Variants in PRTG observed in about 807,000 individuals in gnomAD.
PRTG encodes the protein protogenin, also known as immunoglobulin superfamily, DCC subclass, member 5.
PRTG carries 67 observed loss-of-function variants against 122.5 expected under a neutral mutation model. The observed-to-expected ratio is 0.55, with a 90% CI of 0.45 to 0.67. The LOEUF (loss-of-function observed/expected upper bound fraction) is 0.67. PRTG is among the 30% of genes least tolerant of loss of function. The pLI, the probability that PRTG is intolerant of heterozygous loss-of-function variation, is 0.00. For missense variants in PRTG, 1,435 were observed against 1,415.4 expected, an observed-to-expected ratio of 1.01 and a Z score of -0.22; for synonymous variants, 554 against 501.1, an observed-to-expected ratio of 1.11 and a Z score of -1.41.
Position 55,619,937 on chromosome 15 carries a change from C to T in PRTG, c.*75G>A. 2 of 1,581,266 alleles carry T rather than the reference C, an allele frequency of 1.3e-6. No individual in the cohort carries two copies. Among genetic ancestry groups the T allele is most frequent in the African/African-American group, 2.7e-5 (2 of 74,322 alleles). On this transcript the variant is annotated 3_prime_UTR_variant, in exon 20 of 20. Transcript: ENST00000389286. The stretch of plus-strand genomic sequence containing the variant: ...CAGAACTAAGGAGGAAGTCTGCTCA[C>T]TAACAGATGACACAGCAGGGTCTTC...
At chr15:55,647,627 G>A (rs915479306) in intron 11 of PRTG, among the ~76,000 whole-genome samples, 1 of 152,168 alleles carries the variant, frequency 6.6e-6, no homozygotes, top group African/African-American at 2.4e-5. Flanking sequence ...GTACTTTGTA[G>A]AGTTCCTATA....
intron 1 of PRTG, among the ~76,000 whole-genome samples, chr15:55,741,815 C>A (rs981974341): frequency 6.6e-6 from 1 of 152,230 alleles, no homozygotes; most frequent in African/African-American, 2.4e-5. Context: ...AACAGCCCAG[C>A]GCTGTGCGCG....
chr15:55,647,781 G>A (rs2059332196), intron 11 of PRTG, among the ~76,000 whole-genome samples: 2 of 152,150 alleles, frequency 1.3e-5, no homozygotes, highest in Admixed American at 6.5e-5. Flanking sequence ...ATCTCTGTTC[G>A]TTCATACAAA....
At position 55,679,607 on chromosome 15, in the gene PRTG, C is replaced by T. The variant is rs140518102; in HGVS notation, c.974-162G>A. On this transcript the variant is annotated intron_variant, in intron 6 of 19. Transcript: ENST00000389286. ...ATACATCTCTCCAGGTGCCTTTTCT[C>T]GGCATTGCTCAGTGTTCACTTCCTC... is the stretch of plus-strand genomic sequence containing the variant. 2,730 of 554,548 alleles carry T rather than the reference C, an allele frequency of 4.9e-3. 19 individuals are homozygous for T. Among genetic ancestry groups the T allele is most frequent in the Non-Finnish European group, 5.8e-3 (1,852 of 317,772 alleles). 34.4% of individuals were successfully genotyped at this position (554,548 alleles called of 1,614,324 possible).
At chr15:55,712,190 C>A (rs147887035) in intron 2 of PRTG, among the ~76,000 whole-genome samples, 44 of 152,336 alleles carry the variant, frequency 2.9e-4, no homozygotes, top group African/African-American at 1.0e-3. Context: ...TTTCTTCCTA[C>A]ACTGATAAGT....
intron 2 of PRTG, among the ~76,000 whole-genome samples, chr15:55,723,830 C>T (rs2030926374): frequency 6.8e-6 from 1 of 146,864 alleles, no homozygotes; most frequent in Non-Finnish European, 1.5e-5. Flanking sequence ...CAGCTCACTG[C>T]AACCTCCACC....
At chr15:55,672,210 A>G (rs1728053542) in intron 11 of PRTG, among the ~76,000 whole-genome samples, 1 of 152,226 alleles carries the variant, frequency 6.6e-6, no homozygotes, top group African/African-American at 2.4e-5. Context: ...AGATTCACAG[A>G]GCTGGACAAA....
chr15:55,690,035 A>G (rs538280011), intron 2 of PRTG, among the ~76,000 whole-genome samples: 183 of 152,332 alleles, frequency 1.2e-3, no homozygotes, highest in Non-Finnish European at 2.3e-3. Context: ...TTATATGAAA[A>G]CAATATCTCT....
At chr15:55,654,071 G>C (rs189484493) in intron 11 of PRTG, among the ~76,000 whole-genome samples, 1 of 152,132 alleles carries the variant, frequency 6.6e-6, no homozygotes, top group African/African-American at 2.4e-5. Flanking sequence ...AAACTAATAC[G>C]AAAGTGAGAT....
intron 12 of PRTG, among the ~76,000 whole-genome samples, chr15:55,640,824 A>C (rs1567079558): frequency 6.6e-6 from 1 of 151,708 alleles, no homozygotes; most frequent in African/African-American, 2.4e-5. Context: ...AGCCTGGCCA[A>C]CATGGTGAAA....
chr15:55,677,473 G>C (rs2059509133), intron 8 of PRTG, among the ~76,000 whole-genome samples: 1 of 152,090 alleles, frequency 6.6e-6, no homozygotes, highest in Non-Finnish European at 1.5e-5. Flanking sequence ...GGTATATTAA[G>C]TCTCAGTTAA....
At chr15:55,637,977 T>C (rs1198514758) in intron 14 of PRTG, among the ~76,000 whole-genome samples, 1 of 152,220 alleles carries the variant, frequency 6.6e-6, no homozygotes, top group African/African-American at 2.4e-5. Flanking sequence ...CTGTCATAAA[T>C]GTCCCTTACT....
At chr15:55,680,302 A>G in intron 5 of PRTG, 90 bp from the exon 6 acceptor site, 5 of 1,213,214 alleles carry the variant, frequency 4.1e-6, no homozygotes, top group Non-Finnish European at 5.8e-6. Context: ...TCAATCATGA[A>G]AAGTATAAAA....
rs566701207 is a variant in PRTG, at chr15:55,729,386, G to T, written c.397+10996C>A. On this transcript the variant is annotated intron_variant, in intron 2 of 19. Transcript: ENST00000389286. ...GGGGAAATGGGGAGTGACTGCTATC[G>T]AACACAGCTTTCTTTTTGGGGTGAT... is the stretch of plus-strand genomic sequence containing the variant. 2.6e-5 allele frequency among the ~76,000 whole-genome samples: 4 copies of T among 151,942 alleles called. No individual in the cohort carries two copies. In the East Asian group the frequency reaches 7.7e-4, roughly 29 times the overall value.
rs1394469136 is a variant in PRTG, at chr15:55,624,423, T to C, written c.3012A>G (p.Val1004=). 1.2e-6 allele frequency: 2 copies of C among 1,613,922 alleles called. No individual in the cohort carries two copies. The highest frequency in any genetic ancestry group is 2.7e-5 in the African/African-American group (2 of 74,948). Residue 1004 remains valine (V), a synonymous_variant, in exon 18 of 20, where the codon GTA becomes GTG. Transcript: ENST00000389286. Reference sequence around the variant, plus strand: ...CTACAGCTCCTTCCAGGTTCTTTCCTACCTCATTTCCACTAGCTAAGGAGG... The same window carrying C: ...CTACAGCTCCTTCCAGGTTCTTTCCCACCTCATTTCCACTAGCTAAGGAGG... ...TSASLASGNE[V]GKNLEGAVGN...
chr15:55,679,443 G>A lies in PRTG; in HGVS notation c.976C>T (p.Pro326Ser). 6.2e-7 allele frequency: 1 copy of A among 1,605,224 alleles called. No homozygotes were observed. Among genetic ancestry groups the A allele is most frequent in the Non-Finnish European group, 8.5e-7 (1 of 1,174,784 alleles). Reference protein sequence around the residue: ...VAMATLTVLAPPSFVEWPESL... With the variant: ...VAMATLTVLASPSFVEWPESL... Reference sequence around the variant, plus strand: ...TCTGGCCATTCAACAAATGAAGGAGGAGCTATTTTTAAAGAAAAAAATGAA... The same window carrying A: ...TCTGGCCATTCAACAAATGAAGGAGAAGCTATTTTTAAAGAAAAAAATGAA... The change falls in exon 7 of 20, where the codon CCT (proline) becomes TCT (serine). Residue 326 changes from proline to serine, a missense_variant and splice_region_variant. Pro to Ser is a moderately conservative substitution (Grantham distance 74, BLOSUM62 -1). Coordinates refer to ENST00000389286, the MANE Select transcript of PRTG (RefSeq NM_173814.6).
intron 15 of PRTG, among the ~76,000 whole-genome samples, chr15:55,636,031 T>C (rs1383392171): frequency 2.0e-5 from 3 of 151,926 alleles, no homozygotes; most frequent in Non-Finnish European, 4.4e-5. Flanking sequence ...CTTGTCCAAC[T>C]TAAAGATTCA....
At chr15:55,742,754 C>T (rs1010800271) in intron 1 of PRTG, 84 bp downstream of exon 1, 104 of 1,492,868 alleles carry the variant, frequency 7.0e-5, no homozygotes, top group Non-Finnish European at 8.6e-5. Flanking sequence ...GCTCCCCACG[C>T]CCCATCGTTT....
chr15:55,669,625 G>T (rs1409538062), intron 11 of PRTG, among the ~76,000 whole-genome samples: 1 of 152,244 alleles, frequency 6.6e-6, no homozygotes, highest in Non-Finnish European at 1.5e-5. Flanking sequence ...TTCTAGGAAA[G>T]TAAGACTAGA....
Sources: gnomAD v4.1 joint callset for allele counts (sites outside exome capture counted in the v4.1 genomes callset) on GRCh38, gnomAD v4.1.1 for gene constraint, MANE v1.5 for transcripts, NCBI Gene and HGNC (gene_info 2026-07-23, HGNC 2026-07-21) for gene names.